The following WWTR1 variants were observed in gnomAD, a reference collection of about 807,000 sequenced individuals.
The protein encoded by WWTR1 is WW domain-containing transcription regulator protein 1.
WWTR1 carries 13 observed loss-of-function variants against 40.1 expected under a neutral mutation model. That is an observed-to-expected ratio of 0.32 (90% CI 0.21 to 0.52). The LOEUF is 0.52. Among genes scored for constraint, WWTR1 ranks in the 20% least tolerant of loss-of-function variants. The pLI is 0.97. For synonymous variants in WWTR1, 230 were observed against 210.1 expected (o/e 1.09, Z -0.82); for missense variants, 436 against 523.1 (o/e 0.83, Z 1.63).
rs1458908393 is a variant in WWTR1 at position 149,714,732 on chromosome 3, G to T, written n.584+2710C>A. Among the ~76,000 whole-genome samples the T allele has an allele frequency of 2.0e-5, 3 of 152,192 alleles. No homozygotes were observed. In the East Asian group the frequency reaches 5.8e-4, roughly 29 times the overall value. ...AACTCCTACCTTCAAGCCAAGGGGG[G>T]CCTGAAGCCTGGGGGCTGGGCTGCC... On this transcript the variant is annotated intron_variant and non_coding_transcript_variant, in intron 5 of 6. Transcript: ENST00000474080.
chr3:149,638,361 A>G (rs192014866), intron 2 of WWTR1, among the ~76,000 whole-genome samples: 4 of 152,302 alleles, frequency 2.6e-5, no homozygotes, highest in East Asian at 1.9e-4. Flanking sequence ...TCACTGCTGT[A>G]TGTACATATA....
At chr3:149,620,164 T>A (rs555428163) in intron 2 of WWTR1, among the ~76,000 whole-genome samples, 3 of 152,336 alleles carry the variant, frequency 2.0e-5, no homozygotes, top group African/African-American at 7.2e-5. Flanking sequence ...ACATTCTGAC[T>A]ACAGAATCCA....
intron 2 of WWTR1, among the ~76,000 whole-genome samples, chr3:149,635,498 GAGAAGA>G (rs879350488): frequency 6.7e-6 from 1 of 148,870 alleles, no homozygotes; most frequent in Non-Finnish European, 1.5e-5. Context: ...TATATAGAAG[GAGAAGA>G]AGAAGAAGAA....
Position 149,519,601 on chromosome 3 carries a change from A to T in WWTR1, c.*1204T>A, listed in dbSNP as rs1267374310. On this transcript the variant is annotated 3_prime_UTR_variant, in exon 7 of 7. Coordinates refer to ENST00000360632, the MANE Select transcript of WWTR1 (RefSeq NM_015472.6). ...CAGTTGCCACTGATTTATCAAAAAC[A>T]TTTGGCTGCCTTTTGTCATCAGCTA... 1 of 152,226 alleles carries T rather than the reference A, an allele frequency of 6.6e-6. No individual in the cohort carries two copies. Among genetic ancestry groups the T allele is most frequent in the African/African-American group, 2.4e-5 (1 of 41,456 alleles). 9.4% of individuals were successfully genotyped at this position (152,226 alleles called of 1,614,324 possible).
intron 5 of WWTR1, among the ~76,000 whole-genome samples, chr3:149,710,532 C>A (rs1299586584): frequency 1.3e-5 from 2 of 148,274 alleles, no homozygotes; most frequent in African/African-American, 4.9e-5. Flanking sequence ...AAATTGATAC[C>A]TACAAAACAC....
chr3:149,645,084 A>T (rs200499937), intron 2 of WWTR1, among the ~76,000 whole-genome samples: 38 of 113,776 alleles, frequency 3.3e-4, no homozygotes, highest in South Asian at 2.7e-3. Context: ...TATTTTATTT[A>T]TTTTTTTTTT....
chr3:149,641,180 T>G (rs1405561554), intron 2 of WWTR1, among the ~76,000 whole-genome samples: 2 of 152,224 alleles, frequency 1.3e-5, no homozygotes, highest in Non-Finnish European at 2.9e-5. Flanking sequence ...AACCCATTTG[T>G]AATAAGTGTC....
intron 2 of WWTR1, among the ~76,000 whole-genome samples, chr3:149,666,633 G>A (rs895271263): frequency 3.3e-5 from 5 of 152,066 alleles, no homozygotes; most frequent in African/African-American, 9.7e-5. Context: ...AGTCACACAC[G>A]AATCTCATAG....
intron 2 of WWTR1, among the ~76,000 whole-genome samples, chr3:149,594,403 A>C (rs1474236354): frequency 6.6e-6 from 1 of 152,188 alleles, no homozygotes; most frequent in Non-Finnish European, 1.5e-5. Context: ...CACATCTGAG[A>C]CCATTAGGAA....
upstream of WWTR1, chr3:149,661,162 G>A (rs1713556114): frequency 6.6e-6 from 1 of 152,294 alleles, no homozygotes; most frequent in African/African-American, 2.4e-5. Flanking sequence ...ACCACATGGA[G>A]AAGGAAAGGC....
At position 149,646,408 on chromosome 3, in the gene WWTR1, G is replaced by A. The variant is rs923701861; in HGVS notation, c.431+10468C>T. 2.6e-5 allele frequency among the ~76,000 whole-genome samples: 4 copies of A among 152,156 alleles called. No individual in the cohort carries two copies. In the East Asian group the frequency reaches 5.8e-4, roughly 22 times the overall value. ...CCTGTTCCACAAGATAATTGCATTGGTCACCTACTTGGATGTCATAGCAAT... is the reference window on the plus strand; with the variant it reads ...CCTGTTCCACAAGATAATTGCATTGATCACCTACTTGGATGTCATAGCAAT... On this transcript the variant is annotated intron_variant, in intron 2 of 6. Coordinates refer to ENST00000360632, the MANE Select transcript of WWTR1 (RefSeq NM_015472.6).
chr3:149,598,715 A>G (rs1739112708), intron 2 of WWTR1, among the ~76,000 whole-genome samples: 1 of 152,106 alleles, frequency 6.6e-6, no homozygotes, highest in Non-Finnish European at 1.5e-5. Flanking sequence ...CATCAACATC[A>G]TAATTTAATT....
intron 2 of WWTR1, among the ~76,000 whole-genome samples, chr3:149,634,416 C>G (rs1025108157): frequency 1.3e-5 from 2 of 152,288 alleles, no homozygotes; most frequent in Admixed American, 1.3e-4. Context: ...TGTGACCCAG[C>G]TTCTAAAGAT....
chr3:149,720,033 T>C (rs1715719464), intron 4 of WWTR1, among the ~76,000 whole-genome samples: 1 of 152,206 alleles, frequency 6.6e-6, no homozygotes, highest in African/African-American at 2.4e-5. Context: ...CCTTATCAGA[T>C]ATATGACGTG....
rs530121039 is a variant in WWTR1, at chr3:149,532,785, C to G, written c.772-4816G>C. On this transcript the variant is annotated intron_variant, in intron 4 of 6. Coordinates refer to ENST00000360632, the MANE Select transcript of WWTR1 (RefSeq NM_015472.6). ...TGGACTGCCACATGACATCCACTAC[C>G]CTTGCGTGGGTAAAAATGAAAGGCA... Among the ~76,000 whole-genome samples the G allele has an allele frequency of 4.6e-4, 70 of 152,308 alleles. 1 individual carries two copies. Among genetic ancestry groups the G allele is most frequent in the African/African-American group, 1.6e-3 (66 of 41,560 alleles).
At chr3:149,659,707 A>C (rs1277968511), upstream of WWTR1, 1 of 152,134 alleles carries the variant, frequency 6.6e-6, no homozygotes, top group African/African-American at 2.4e-5. Flanking sequence ...AGAAAAGTTT[A>C]AGGAAAAGAC....
intron 2 of WWTR1, among the ~76,000 whole-genome samples, chr3:149,577,544 A>G (rs1437087898): frequency 2.0e-5 from 3 of 152,110 alleles, no homozygotes; most frequent in Non-Finnish European, 4.4e-5. Context: ...CTGGCCTCCA[A>G]TTACATTATG....
intron 2 of WWTR1, among the ~76,000 whole-genome samples, chr3:149,653,189 C>T (rs1443453232): frequency 6.6e-6 from 1 of 152,234 alleles, no homozygotes; most frequent in Admixed American, 6.5e-5. Context: ...GGAAATTCTA[C>T]TGAAGCTAGA....
At chr3:149,623,010 T>G (rs1009239099) in intron 2 of WWTR1, among the ~76,000 whole-genome samples, 1 of 152,212 alleles carries the variant, frequency 6.6e-6, no homozygotes, top group Non-Finnish European at 1.5e-5. Context: ...GATTCAGTAA[T>G]TCCATTGCTA....
Sources: allele counts gnomAD v4.1 joint callset (sites outside exome capture counted in the v4.1 genomes callset), GRCh38; gene constraint gnomAD v4.1.1; transcripts MANE v1.5; gene names NCBI Gene and HGNC (gene_info 2026-07-23, HGNC 2026-07-21).